The following WDR49 variants were observed in gnomAD, a reference collection of about 807,000 sequenced individuals.
The protein encoded by WDR49 is WD repeat domain 49.
Under a neutral mutation model 119.5 loss-of-function variants are expected in WDR49, and 107 were observed. The ratio of observed to expected loss-of-function variants is 0.90; its 90% CI spans 0.77 to 1.05. The LOEUF (loss-of-function observed/expected upper bound fraction) is 1.05. Ranked by LOEUF, WDR49 falls within the 50% of genes least tolerant of loss-of-function variation. The pLI is 0.00. For missense variants in WDR49, 1,240 were observed against 1,220.5 expected, an observed-to-expected ratio of 1.02 and a Z score of -0.24; for synonymous variants, 425 against 418.8, an observed-to-expected ratio of 1.01 and a Z score of -0.18.
In WDR49 at chr3:167,588,571, A is replaced by T. The variant is rs1307320928; in HGVS notation, c.1276-12420T>A. Reference sequence around the variant, plus strand: ...CAACAATGCATGAGAATACCCTTTTATCCACATCCTCACCAGCATTTGTTA... The same window carrying T: ...CAACAATGCATGAGAATACCCTTTTTTCCACATCCTCACCAGCATTTGTTA... On this transcript the variant is annotated intron_variant, in intron 7 of 18. Transcript: ENST00000682715. Among the ~76,000 whole-genome samples, 5 of 152,218 alleles carry T rather than the reference A, an allele frequency of 3.3e-5. No homozygotes were observed. The East Asian group carries it at 9.6e-4, about 29-fold the overall frequency.
chr3:167,487,338 G>A (rs753302346), intron 18 of WDR49, among the ~76,000 whole-genome samples: 8 of 152,246 alleles, frequency 5.3e-5, no homozygotes, highest in Non-Finnish European at 1.0e-4. Flanking sequence ...GCAGACAATT[G>A]AAACTGGACC....
chr3:167,648,596 A>G (rs1445973077), intron 2 of WDR49, among the ~76,000 whole-genome samples: 3 of 152,208 alleles, frequency 2.0e-5, no homozygotes, highest in Admixed American at 2.0e-4. Flanking sequence ...ACAAAATTCT[A>G]AGAGGACCAT....
chr3:167,506,414 T>G (rs1446576699), intron 16 of WDR49, among the ~76,000 whole-genome samples: 1 of 152,186 alleles, frequency 6.6e-6, no homozygotes, highest in Non-Finnish European at 1.5e-5. Flanking sequence ...TTCTTTTTCC[T>G]CCACTCTATT....
chr3:167,596,950 G>GAA (rs528182004), intron 7 of WDR49, among the ~76,000 whole-genome samples: 170 of 127,022 alleles, frequency 1.3e-3, no homozygotes, highest in African/African-American at 2.5e-3. Flanking sequence ...ACTCAAAATG[G>GAA]AAAAAAAAAA....
At chr3:167,530,500 A>G (rs951973503) in intron 13 of WDR49, among the ~76,000 whole-genome samples, 11 of 152,132 alleles carry the variant, frequency 7.2e-5, no homozygotes, top group Non-Finnish European at 1.6e-4. Context: ...ATAATATCAT[A>G]TAACTACAGT....
At chr3:167,603,449 T>C (rs929864578) in intron 6 of WDR49, among the ~76,000 whole-genome samples, 6 of 152,194 alleles carry the variant, frequency 3.9e-5, no homozygotes, top group South Asian at 4.1e-4. Flanking sequence ...CACGAATTCA[T>C]ATTCAAGGTA....
At chr3:167,511,703 G>A (rs558180939) in intron 16 of WDR49, among the ~76,000 whole-genome samples, 1 of 152,334 alleles carries the variant, frequency 6.6e-6, no homozygotes, top group Non-Finnish European at 1.5e-5. Flanking sequence ...GACTGCCTAA[G>A]ACAACCAAGT....
chr3:167,504,811 G>C (rs1286675143), intron 17 of WDR49, among the ~76,000 whole-genome samples: 2 of 152,062 alleles, frequency 1.3e-5, no homozygotes, highest in African/African-American at 4.8e-5. Context: ...GGTCATGAGG[G>C]TGGATCCCTC....
chr3:167,538,679 A>G (rs1211767298), intron 10 of WDR49, among the ~76,000 whole-genome samples: 1 of 152,162 alleles, frequency 6.6e-6, no homozygotes, highest in East Asian at 1.9e-4. Flanking sequence ...AGCCGTCAGC[A>G]TAAAATGACT....
intron 16 of WDR49, among the ~76,000 whole-genome samples, chr3:167,512,940 G>T (rs935463079): frequency 6.6e-6 from 1 of 152,118 alleles, no homozygotes; most frequent in African/African-American, 2.4e-5. Context: ...TGAAGCCTCT[G>T]AGAACTATGA....
At chr3:167,544,003 A>C (rs1712005532) in intron 10 of WDR49, among the ~76,000 whole-genome samples, 1 of 151,956 alleles carries the variant, frequency 6.6e-6, no homozygotes, top group African/African-American at 2.4e-5. Flanking sequence ...TAAAACTGCT[A>C]TACACCAACA....
intron 2 of WDR49, among the ~76,000 whole-genome samples, chr3:167,643,650 A>G (rs1717985012): frequency 6.6e-6 from 1 of 152,082 alleles, no homozygotes; most frequent in Non-Finnish European, 1.5e-5. Flanking sequence ...ATCTAGAAGG[A>G]TGCCTTTGTT....
chr3:167,627,552 AAT>A, intron 2 of WDR49, among the ~76,000 whole-genome samples: 1 of 152,188 alleles, frequency 6.6e-6, no homozygotes, highest in South Asian at 2.1e-4. Flanking sequence ...AAGGCAGGAG[AAT>A]ATGTGATGAT....
At chr3:167,600,044 G>A (rs1180095470) in intron 7 of WDR49, among the ~76,000 whole-genome samples, 2 of 152,116 alleles carry the variant, frequency 1.3e-5, no homozygotes, top group Non-Finnish European at 2.9e-5. Flanking sequence ...GGGAGCTAGG[G>A]CCTGGAAGGG....
At chr3:167,615,812 C>T (rs1395191663) in intron 5 of WDR49, among the ~76,000 whole-genome samples, 2 of 152,284 alleles carry the variant, frequency 1.3e-5, no homozygotes, top group East Asian at 3.9e-4. Context: ...CTTTTCTGCC[C>T]TTAACCCATC....
intron 18 of WDR49, among the ~76,000 whole-genome samples, chr3:167,482,587 G>A (rs560417648): frequency 4.0e-5 from 6 of 151,618 alleles, no homozygotes; most frequent in East Asian, 1.9e-4. Context: ...GCTGAGGCAG[G>A]AGAATGGCGT....
chr3:167,606,790 T>C (rs1716083855), intron 5 of WDR49, among the ~76,000 whole-genome samples: 1 of 152,176 alleles, frequency 6.6e-6, no homozygotes, highest in African/African-American at 2.4e-5. Context: ...GAGAGGGCAG[T>C]GAGTGACCCC....
chr3:167,651,528 G>A (rs1404879330), intron 2 of WDR49, among the ~76,000 whole-genome samples: 1 of 152,072 alleles, frequency 6.6e-6, no homozygotes, highest in Non-Finnish European at 1.5e-5. Flanking sequence ...TTTAGTACTG[G>A]CTGCACATGT....
chr3:167,530,293 T>A (rs900288586), intron 13 of WDR49, among the ~76,000 whole-genome samples: 1 of 152,038 alleles, frequency 6.6e-6, no homozygotes, highest in South Asian at 2.1e-4. Context: ...AAATACATAA[T>A]ACATATATGT....
Sources: allele counts gnomAD v4.1 joint callset (sites outside exome capture counted in the v4.1 genomes callset), GRCh38; gene constraint gnomAD v4.1.1; transcripts MANE v1.5; gene names NCBI Gene and HGNC (gene_info 2026-07-23, HGNC 2026-07-21).